DOK6: variants seen among roughly 807,000 people sequenced by gnomAD.
DOK6 encodes docking protein 6, also known as downstream of tyrosine kinase 6.
In DOK6, 22 loss-of-function variants were observed where a neutral mutation model predicts 44.0. The ratio of observed to expected loss-of-function variants is 0.50; its 90% CI spans 0.36 to 0.71. The LOEUF (loss-of-function observed/expected upper bound fraction) is 0.71, where lower values mean the gene tolerates loss of function less well. Among genes scored for constraint, DOK6 ranks in the 30% least tolerant of loss-of-function variants. The pLI, the probability that DOK6 is intolerant of heterozygous loss-of-function variation, is 0.00. For synonymous variants in DOK6, 166 were observed against 145.5 expected (o/e 1.14, Z -1.01); for missense variants, 340 against 416.4 (o/e 0.82, Z 1.60).
chr18:69,491,158 G>T (rs1980724912), intron 1 of DOK6, among the ~76,000 whole-genome samples: 1 of 152,114 alleles, frequency 6.6e-6, no homozygotes, highest in African/African-American at 2.4e-5. Flanking sequence ...TAAACATTCA[G>T]TAAGTGTTAT....
chr18:69,764,148 T>A (rs1360421849), intron 7 of DOK6, among the ~76,000 whole-genome samples: 3 of 152,120 alleles, frequency 2.0e-5, no homozygotes, highest in African/African-American at 7.2e-5. Flanking sequence ...AAATGCTAGA[T>A]CTGCCCCTTT....
chr18:69,474,872 A>G (rs545760253), intron 1 of DOK6, among the ~76,000 whole-genome samples: 3 of 152,350 alleles, frequency 2.0e-5, no homozygotes, highest in East Asian at 3.9e-4. Flanking sequence ...TTAATTATCT[A>G]TAGCAAAAAC....
rs1483019607 is a variant in DOK6 at position 69,619,893 on chromosome 18, G to A, written c.289+20395G>A. 3.9e-5 allele frequency among the ~76,000 whole-genome samples: 6 copies of A among 152,182 alleles called. No homozygotes were observed. The East Asian group carries it at 1.2e-3, about 29-fold the overall frequency. On this transcript the variant is annotated intron_variant, in intron 3 of 7. Transcript: ENST00000382713. ...TGTTTGTCATAAAACACGAGGTACC[G>A]AAAATTTATATTCATGATTGTGTCT...
At chr18:69,793,420 C>G (rs1980655978) in intron 7 of DOK6, among the ~76,000 whole-genome samples, 1 of 152,108 alleles carries the variant, frequency 6.6e-6, no homozygotes, top group African/African-American at 2.4e-5. Context: ...AAGGTGTTGA[C>G]AGAAAGGCCA....
At chr18:69,517,645 C>T (rs12961588) in intron 1 of DOK6, among the ~76,000 whole-genome samples, 22,059 of 150,692 alleles carry the variant, frequency 0.15, 1,975 homozygotes, top group Non-Finnish European at 0.2. Context: ...TTCAAAGACC[C>T]TGTCTCTAAT....
At chr18:69,532,501 A>G (rs1386458237) in intron 1 of DOK6, among the ~76,000 whole-genome samples, 1 of 152,228 alleles carries the variant, frequency 6.6e-6, no homozygotes, top group African/African-American at 2.4e-5. Context: ...CAAGTTAGGT[A>G]ATGGTTTTCT....
chr18:69,778,894 C>A (rs74367756), intron 7 of DOK6, among the ~76,000 whole-genome samples: 1 of 152,088 alleles, frequency 6.6e-6, no homozygotes, highest in Non-Finnish European at 1.5e-5. Flanking sequence ...AGACATGGAA[C>A]TTTAAACTCC....
At chr18:69,796,224 T>G (rs1980741506) in intron 7 of DOK6, among the ~76,000 whole-genome samples, 1 of 152,180 alleles carries the variant, frequency 6.6e-6, no homozygotes. Context: ...CAAACGAGGC[T>G]GACTTGCTTT....
At chr18:69,527,627 G>A (rs1237364351) in intron 1 of DOK6, among the ~76,000 whole-genome samples, 1 of 152,096 alleles carries the variant, frequency 6.6e-6, no homozygotes, top group Non-Finnish European at 1.5e-5. Flanking sequence ...AATGCAATTA[G>A]ATTATTTGCT....
Position 69,473,588 on chromosome 18 carries a change from G to A in DOK6, c.66+72278G>A, listed in dbSNP as rs118058384. The stretch of plus-strand genomic sequence containing the variant: ...GTCTGTCTTGCACCCAGCACTGTCA[G>A]TCTATGCTCTGGGGACAACTAGACC... On this transcript the variant is annotated intron_variant, in intron 1 of 7. Transcript: ENST00000382713. 4.9e-3 allele frequency among the ~76,000 whole-genome samples: 752 copies of A among 152,272 alleles called. 6 individuals are homozygous for A. Among genetic ancestry groups the A allele is most frequent in the Non-Finnish European group, 6.3e-3 (431 of 68,016 alleles).
chr18:69,579,214 G>C (rs967734751), intron 2 of DOK6, among the ~76,000 whole-genome samples: 3 of 152,130 alleles, frequency 2.0e-5, no homozygotes, highest in African/African-American at 7.2e-5. Context: ...CAATATGAAG[G>C]CAAACAAGTT....
intron 1 of DOK6, among the ~76,000 whole-genome samples, chr18:69,551,874 T>G (rs1982574132): frequency 6.6e-6 from 1 of 152,224 alleles, no homozygotes; most frequent in Non-Finnish European, 1.5e-5. Flanking sequence ...TGATTATTAA[T>G]GTTCTTACGT....
At chr18:69,561,497 T>C (rs919993343) in intron 1 of DOK6, among the ~76,000 whole-genome samples, 5 of 152,138 alleles carry the variant, frequency 3.3e-5, no homozygotes, top group Admixed American at 6.6e-5. Flanking sequence ...CATTTCACTT[T>C]GGGAGTGTGG....
chr18:69,464,747 C>A (rs1979879924), intron 1 of DOK6, among the ~76,000 whole-genome samples: 1 of 152,166 alleles, frequency 6.6e-6, no homozygotes, highest in Admixed American at 6.5e-5. Context: ...ATGTAAACTA[C>A]AGAATGTATT....
chr18:69,666,518 A>AT (rs1007920366), intron 3 of DOK6, among the ~76,000 whole-genome samples: 29 of 150,038 alleles, frequency 1.9e-4, no homozygotes, highest in South Asian at 6.4e-4. Flanking sequence ...AACCCAACCA[A>AT]TTTTTTTTTT....
intron 5 of DOK6, among the ~76,000 whole-genome samples, chr18:69,732,650 A>G (rs2144732571): frequency 6.6e-6 from 1 of 152,338 alleles, no homozygotes; most frequent in South Asian, 2.1e-4. Flanking sequence ...ATGTGAAAAG[A>G]TAGATTTTAA....
chr18:69,763,383 T>A (rs2144759833), intron 7 of DOK6, among the ~76,000 whole-genome samples: 1 of 152,338 alleles, frequency 6.6e-6, no homozygotes, highest in East Asian at 1.9e-4. Flanking sequence ...ATGAAAAATG[T>A]TTATATCACG....
intron 5 of DOK6, among the ~76,000 whole-genome samples, chr18:69,731,465 C>T (rs1978399337): frequency 1.3e-5 from 2 of 152,142 alleles, no homozygotes; most frequent in South Asian, 4.1e-4. Flanking sequence ...AAAAGTCAAT[C>T]CTTAGTCAAA....
chr18:69,402,084 G>A (rs1259627033), intron 1 of DOK6, among the ~76,000 whole-genome samples: 1 of 152,204 alleles, frequency 6.6e-6, no homozygotes, highest in Non-Finnish European at 1.5e-5. Flanking sequence ...AGGAGGGGCT[G>A]TCACCTGGGC....
Sources: gnomAD v4.1 joint callset for allele counts (sites outside exome capture counted in the v4.1 genomes callset) on GRCh38, gnomAD v4.1.1 for gene constraint, MANE v1.5 for transcripts, NCBI Gene and HGNC (gene_info 2026-07-23, HGNC 2026-07-21) for gene names.